MOB4: variants seen among roughly 807,000 people sequenced by gnomAD.
MOB4 encodes MOB-like protein phocein.
MOB4 carries 4 observed loss-of-function variants against 32.2 expected under a neutral mutation model. That is an observed-to-expected ratio of 0.12 (90% CI 0.06 to 0.28). MOB4 has a LOEUF of 0.28. Among genes scored for constraint, MOB4 ranks in the 10% least tolerant of loss-of-function variants. MOB4 has a pLI of 1.00. For missense variants in MOB4, 158 were observed against 271.2 expected (o/e 0.58, Z 2.93); for synonymous variants, 88 against 88.1 (o/e 1.00, Z 0.01).
intron 5 of MOB4, among the ~76,000 whole-genome samples, chr2:197,542,922 G>A (rs2086921808): frequency 6.6e-6 from 1 of 152,146 alleles, no homozygotes; most frequent in Non-Finnish European, 1.5e-5. Flanking sequence ...ATACAGTGAT[G>A]TGGTAACCCA....
chr2:197,539,106 T>C (rs1011429367), intron 3 of MOB4, among the ~76,000 whole-genome samples: 5 of 152,122 alleles, frequency 3.3e-5, no homozygotes, highest in African/African-American at 1.2e-4. Flanking sequence ...TTGCATTGTT[T>C]TGGGAACCAA....
chr2:197,539,962 GAAAT>G, intron 3 of MOB4, 145 bp from the exon 4 acceptor site: 2 of 732,908 alleles, frequency 2.7e-6, no homozygotes, highest in South Asian at 7.0e-5. Context: ...GCCTTTAGAA[GAAAT>G]GTGTCATTGT....
rs182809211 is a variant in MOB4, at chr2:197,516,165, T to C, written c.60+19T>C. 3,674 of 1,592,494 alleles carry C rather than the reference T, an allele frequency of 2.3e-3. 9 individuals carry two copies. Among genetic ancestry groups the C allele is most frequent in the Non-Finnish European group, 2.9e-3 (3,414 of 1,171,144 alleles). ...GGCGCAGGTACCATGTCTGCACTTT[T>C]CTTGTCGGGCAACTAGGTGCCGAGC... is the stretch of plus-strand genomic sequence containing the variant. On this transcript the variant is annotated intron_variant, in intron 1 of 7. Coordinates refer to ENST00000323303, the MANE Select transcript of MOB4 (RefSeq NM_015387.5).
At chr2:197,516,756 TG>T (rs752953646) in intron 1 of MOB4, 4 of 471,258 alleles carry the variant, frequency 8.5e-6, no homozygotes, top group South Asian at 6.2e-5. Flanking sequence ...ACTTGTTAGA[TG>T]TCATTCCTTG....
intron 2 of MOB4, among the ~76,000 whole-genome samples, chr2:197,530,223 C>T (rs964044220): frequency 8.6e-5 from 13 of 151,964 alleles, no homozygotes; most frequent in Non-Finnish European, 1.6e-4. Context: ...CCTCCTCGGC[C>T]TCCCAAAGTG....
intron 3 of MOB4, among the ~76,000 whole-genome samples, chr2:197,536,071 T>A (rs543331330): frequency 6.6e-5 from 10 of 152,054 alleles, no homozygotes; most frequent in African/African-American, 2.4e-4. Context: ...ACTAATTTTT[T>A]AATTTTTTGT....
chr2:197,528,622 T>C (rs915201303), intron 2 of MOB4, among the ~76,000 whole-genome samples: 3 of 143,714 alleles, frequency 2.1e-5, no homozygotes, highest in East Asian at 2.0e-4. Flanking sequence ...TTTTCTTTTT[T>C]TTTTTTTTTT....
Position 197,535,769 on chromosome 2 carries a change from AC to A in MOB4, c.224+140del, listed in dbSNP as rs527993078. 5.8e-4 allele frequency: 526 copies of A among 903,828 alleles called. 6 individuals carry two copies. In the African/African-American group the frequency reaches 8.7e-3, roughly 15 times the overall value. 56.0% of individuals were successfully genotyped at this position (903,828 alleles called of 1,614,324 possible). The stretch of plus-strand genomic sequence containing the variant: ...TTAAAGCTTTGGCATTTTCAGTGTC[AC>A]AAGGTTCTCAGCTTTCTTCACTGGT... On this transcript the variant is annotated intron_variant, in intron 3 of 7. Coordinates refer to ENST00000323303, the MANE Select transcript of MOB4 (RefSeq NM_015387.5).
At chr2:197,516,327 C>T in intron 1 of MOB4, 181 bp downstream of exon 1, 1 of 1,426,220 alleles carries the variant, frequency 7.0e-7, no homozygotes, top group Non-Finnish European at 9.2e-7. Context: ...TGGCGGCCGC[C>T]GTGAGGCCTG....
At chr2:197,538,617 T>C (rs2086844349) in intron 3 of MOB4, among the ~76,000 whole-genome samples, 1 of 152,214 alleles carries the variant, frequency 6.6e-6, no homozygotes, top group Non-Finnish European at 1.5e-5. Context: ...CTCTGGTTGG[T>C]CTCTTCAGCT....
At chr2:197,545,025 G>C (rs1369828504) in intron 5 of MOB4, among the ~76,000 whole-genome samples, 3 of 152,104 alleles carry the variant, frequency 2.0e-5, no homozygotes, top group Admixed American at 6.6e-5. Context: ...AGTTGCATAC[G>C]ACCCAGGAAT....
chr2:197,535,235 A>AG (rs1319534907), intron 2 of MOB4, among the ~76,000 whole-genome samples: 3 of 140,562 alleles, frequency 2.1e-5, no homozygotes, highest in East Asian at 2.0e-4. Context: ...AAAAAAAAAA[A>AG]AAAAAAAGAA....
chr2:197,533,916 C>A (rs2086751767), intron 2 of MOB4: 2 of 604,346 alleles, frequency 3.3e-6, no homozygotes, highest in African/African-American at 1.9e-5. Flanking sequence ...GTAATAAAAT[C>A]AGGTACAACT....
intron 2 of MOB4, among the ~76,000 whole-genome samples, chr2:197,531,282 G>A (rs1051196014): frequency 1.1e-4 from 17 of 152,022 alleles, no homozygotes; most frequent in African/African-American, 3.9e-4. Flanking sequence ...CTGACCTCGT[G>A]ATCCACCCAC....
chr2:197,550,267 A>C lies in MOB4; in HGVS notation c.435-8A>C, dbSNP rs1245578935. 3 of 1,601,156 alleles carry C rather than the reference A, an allele frequency of 1.9e-6. No homozygotes were observed. The highest frequency in any genetic ancestry group is 1.7e-6 in the Non-Finnish European group (2 of 1,175,638). On this transcript the variant is annotated splice_region_variant and splice_polypyrimidine_tract_variant and intron_variant, in intron 6 of 7. Coordinates refer to ENST00000323303, the MANE Select transcript of MOB4 (RefSeq NM_015387.5). ...TCTAAGAATCTATGGTTTCTTTTCT[A>C]CTTCTAGGGTTAGCATAAAGGAATC...
chr2:197,520,793 C>T (rs1207678350), intron 1 of MOB4, among the ~76,000 whole-genome samples: 1 of 149,858 alleles, frequency 6.7e-6, no homozygotes, highest in Non-Finnish European at 1.5e-5. Flanking sequence ...CATGGTGGCT[C>T]ATGCTTGTAA....
At chr2:197,548,763 A>G (rs1161010978) in intron 6 of MOB4, among the ~76,000 whole-genome samples, 1 of 152,186 alleles carries the variant, frequency 6.6e-6, no homozygotes, top group Non-Finnish European at 1.5e-5. Flanking sequence ...TAAACAGCAG[A>G]ACTTGGCTGT....
upstream of MOB4, chr2:197,515,834 A>G: frequency 1.9e-6 from 1 of 529,322 alleles, no homozygotes; most frequent in Non-Finnish European, 3.3e-6. Flanking sequence ...GCCCTCGCAA[A>G]GAGGCTCGTG....
chr2:197,515,857 C>T, upstream of MOB4: 2 of 540,704 alleles, frequency 3.7e-6, no homozygotes, highest in Non-Finnish European at 6.5e-6. Context: ...GCCCGCCTTC[C>T]GGTGCCTCAG....
Sources: gnomAD v4.1 joint callset for allele counts (sites outside exome capture counted in the v4.1 genomes callset) on GRCh38, gnomAD v4.1.1 for gene constraint, MANE v1.5 for transcripts, NCBI Gene and HGNC (gene_info 2026-07-23, HGNC 2026-07-21) for gene names.